Variants in USP25 observed in about 807,000 individuals in gnomAD.
The protein encoded by USP25 is ubiquitin carboxyl-terminal hydrolase 25.
In USP25, 85 loss-of-function variants were observed where a neutral mutation model predicts 158.5. The observed-to-expected ratio is 0.54, with a 90% CI of 0.45 to 0.64. The LOEUF (loss-of-function observed/expected upper bound fraction) is 0.64, where lower values mean the gene tolerates loss of function less well. Among genes scored for constraint, USP25 ranks in the 30% least tolerant of loss-of-function variants. The pLI, the probability that USP25 is intolerant of heterozygous loss-of-function variation, is 0.00. For synonymous variants in USP25, 464 were observed against 460.4 expected (o/e 1.01, Z -0.10); for missense variants, 1,242 against 1,327.3 (o/e 0.94, Z 1.00).
At chr21:15,831,800 CG>C in intron 16 of USP25, among the ~76,000 whole-genome samples, 171 bp downstream of exon 16, 1 of 152,250 alleles carries the variant, frequency 6.6e-6, no homozygotes, top group Non-Finnish European at 1.5e-5. Flanking sequence ...GCTAAGAATT[CG>C]TATATATTTT....
intron 1 of USP25, among the ~76,000 whole-genome samples, chr21:15,731,657 G>GT (rs2030920054): frequency 6.6e-6 from 1 of 152,204 alleles, no homozygotes; most frequent in African/African-American, 2.4e-5. Flanking sequence ...TGGGAAAGTT[G>GT]TTTTTGAGAC....
Position 15,824,021 on chromosome 21 carries a change from T to A in USP25, c.1081-18T>A. ...AAGGTGGTATTAAAGTTTTTGTTAT[T>A]GTTTTATTTCCTTTCAGCATTGGTT... On this transcript the variant is annotated intron_variant, in intron 10 of 25. Coordinates refer to ENST00000400183, the MANE Select transcript of USP25 (RefSeq NM_001283041.3). The A allele has an allele frequency of 6.2e-7, 1 of 1,605,564 alleles. No homozygotes were observed. Among genetic ancestry groups the A allele is most frequent in the Non-Finnish European group, 8.5e-7 (1 of 1,175,228 alleles).
intron 1 of USP25, among the ~76,000 whole-genome samples, chr21:15,747,836 CTGAAACTTCAAAAAG>C (rs1378294117): frequency 6.6e-6 from 1 of 152,164 alleles, no homozygotes; most frequent in Non-Finnish European, 1.5e-5. Context: ...TCATTGGTAA[CTGAAACTTCAAAAAG>C]TGAAACGAGA....
intron 23 of USP25, among the ~76,000 whole-genome samples, chr21:15,872,514 T>C (rs1347558570): frequency 6.6e-6 from 1 of 152,226 alleles, no homozygotes; most frequent in Non-Finnish European, 1.5e-5. Flanking sequence ...GATGTGCTAG[T>C]TACTTATTAA....
Position 15,824,976 on chromosome 21 carries a change from A to C in USP25, c.1219A>C (p.Arg407=). 6.2e-7 allele frequency: 1 copy of C among 1,610,268 alleles called. No individual in the cohort carries two copies. The highest frequency in any genetic ancestry group is 8.5e-7 in the Non-Finnish European group (1 of 1,177,682). Residue 407 remains arginine (R), a synonymous_variant, in exon 12 of 26, where the codon AGA becomes CGA. Coordinates refer to ENST00000400183, the MANE Select transcript of USP25 (RefSeq NM_001283041.3). ...QVLYLDRYMH[R]NREITRIKRE... ...ACCTTTTTCTGATAGATACATGCAC[A>C]GAAACAGAGAAATAACAAGAATTAA...
intron 6 of USP25, among the ~76,000 whole-genome samples, chr21:15,803,689 G>A (rs2036239592): frequency 6.6e-6 from 1 of 151,812 alleles, no homozygotes; most frequent in Non-Finnish European, 1.5e-5. Context: ...AAACTGCATT[G>A]ACTTAGGTGC....
At chr21:15,746,132 C>A (rs1337331856) in intron 1 of USP25, among the ~76,000 whole-genome samples, 1 of 152,164 alleles carries the variant, frequency 6.6e-6, no homozygotes, top group African/African-American at 2.4e-5. Flanking sequence ...AATTCTTCAA[C>A]TTTGTTCTTG....
intron 4 of USP25, among the ~76,000 whole-genome samples, chr21:15,787,626 C>G (rs2035351779): frequency 1.3e-5 from 2 of 152,046 alleles, no homozygotes; most frequent in Non-Finnish European, 2.9e-5. Flanking sequence ...GTCGGTTCTT[C>G]TTAAATTGAT....
intron 4 of USP25, among the ~76,000 whole-genome samples, chr21:15,779,733 C>G (rs1248939115): frequency 1.3e-5 from 2 of 151,602 alleles, no homozygotes; most frequent in Admixed American, 6.6e-5. Context: ...TTTTTTCATT[C>G]TAGGTCTTTT....
At chr21:15,793,028 A>G (rs528030967) in intron 5 of USP25, among the ~76,000 whole-genome samples, 1 of 151,726 alleles carries the variant, frequency 6.6e-6, no homozygotes, top group Admixed American at 6.6e-5. Context: ...TGCGCTATCT[A>G]TTAAGAAGGT....
chr21:15,815,872 TG>T (rs1386794134), intron 9 of USP25, among the ~76,000 whole-genome samples: 1 of 152,206 alleles, frequency 6.6e-6, no homozygotes, highest in African/African-American at 2.4e-5. Context: ...ATTACAGGCT[TG>T]TAGGCGGAAG....
chr21:15,760,519 A>G (rs2033661292), intron 1 of USP25, among the ~76,000 whole-genome samples: 3 of 152,226 alleles, frequency 2.0e-5, no homozygotes, highest in South Asian at 4.1e-4. Flanking sequence ...TATCTAATAC[A>G]TATGATTTCT....
chr21:15,805,136 C>T lies in USP25; in HGVS notation c.658C>T (p.Pro220Ser), dbSNP rs778506349. 2 of 1,587,834 alleles carry T rather than the reference C, an allele frequency of 1.3e-6. No homozygotes were observed. Among genetic ancestry groups the T allele is most frequent in the Admixed American group, 3.7e-5 (2 of 54,236 alleles). The part of the protein sequence containing the change: ...PRNQKEHRNL[P>S]FMRELRYLFA... ...CCTTCAATAGGAACATCGGAATTTG[C>T]CTTTTATGCGTGAGCTGAGGTATCT... is the stretch of plus-strand genomic sequence containing the variant. Residue 220 changes from proline to serine, a missense_variant, in exon 7 of 26, where the codon CCT becomes TCT. Transcript: ENST00000400183.
At chr21:15,870,169 T>C (rs751157030) in intron 23 of USP25, 22 bp downstream of exon 23, 43 of 1,566,284 alleles carry the variant, frequency 2.7e-5, no homozygotes, top group East Asian at 4.6e-5. Flanking sequence ...TGGACAAATA[T>C]GAAAAGAGCA....
chr21:15,730,974 C>CTTTTTTTTTTTT (rs1420306163), intron 1 of USP25, among the ~76,000 whole-genome samples: 4 of 60,344 alleles, frequency 6.6e-5, no homozygotes, highest in African/African-American at 2.3e-4. Flanking sequence ...TTCTTCTTTT[C>CTTTTTTTTTTTT]TGTTTTTTTT....
intron 1 of USP25, among the ~76,000 whole-genome samples, chr21:15,756,453 C>A (rs1225545500): frequency 6.6e-6 from 1 of 152,098 alleles, no homozygotes; most frequent in South Asian, 2.1e-4. Flanking sequence ...ATAATAAATT[C>A]ATATTTTCTT....
intron 2 of USP25, among the ~76,000 whole-genome samples, chr21:15,764,721 T>C (rs2033933612): frequency 6.6e-6 from 1 of 152,150 alleles, no homozygotes; most frequent in African/African-American, 2.4e-5. Context: ...TTGCGCTTTA[T>C]TTTATTGTTA....
At chr21:15,859,803 T>C (rs2146534254) in intron 20 of USP25, among the ~76,000 whole-genome samples, 1 of 151,926 alleles carries the variant, frequency 6.6e-6, no homozygotes, top group South Asian at 2.1e-4. Context: ...ACCTTTCTTA[T>C]TTCTACCGAT....
chr21:15,849,489 G>C (rs752480194), intron 19 of USP25, among the ~76,000 whole-genome samples: 1 of 152,138 alleles, frequency 6.6e-6, no homozygotes, highest in East Asian at 1.9e-4. Context: ...TTCACTCAGA[G>C]GATAGCACAT....
Sources: allele counts gnomAD v4.1 joint callset (sites outside exome capture counted in the v4.1 genomes callset), GRCh38; gene constraint gnomAD v4.1.1; transcripts MANE v1.5; gene names NCBI Gene and HGNC (gene_info 2026-07-23, HGNC 2026-07-21).